TANK: variants seen among roughly 807,000 people sequenced by gnomAD.
TANK encodes TRAF family member-associated NF-kappa-B activator.
A neutral mutation model predicts 43.6 loss-of-function variants in TANK; 15 were observed. The observed-to-expected ratio is 0.34, with a 90% CI of 0.23 to 0.53. The LOEUF is 0.53. Ranked by LOEUF, TANK falls within the 20% of genes least tolerant of loss-of-function variation. The pLI, the probability that TANK is intolerant of heterozygous loss-of-function variation, is 0.94. For missense variants in TANK, 417 were observed against 498.6 expected, an observed-to-expected ratio of 0.84 and a Z score of 1.56; for synonymous variants, 162 against 178.2, an observed-to-expected ratio of 0.91 and a Z score of 0.73.
intron 2 of TANK, among the ~76,000 whole-genome samples, chr2:161,187,463 AAG>A (rs1489692884): frequency 6.6e-6 from 1 of 152,054 alleles, no homozygotes; most frequent in Admixed American, 6.6e-5. Context: ...AAACTACTAC[AAG>A]AGACAGGAAA....
intron 2 of TANK, among the ~76,000 whole-genome samples, chr2:161,198,578 C>A (rs1380498724): frequency 6.6e-6 from 1 of 152,194 alleles, no homozygotes; most frequent in Non-Finnish European, 1.5e-5. Context: ...ATACCTTGCT[C>A]ATTGTTAAAA....
intron 4 of TANK, among the ~76,000 whole-genome samples, chr2:161,217,585 TTGTGTGTGTGTGTGTGTG>T (rs375688309): frequency 1.6e-4 from 22 of 136,556 alleles, no homozygotes; most frequent in Admixed American, 1.2e-3. Flanking sequence ...GGTAGTTGGT[TTGTGTGTGTGTGTGTGTG>T]TGTGTGTGTG....
At chr2:161,212,042 C>A in intron 4 of TANK, 2 of 821,614 alleles carry the variant, frequency 2.4e-6, no homozygotes, top group Non-Finnish European at 2.9e-6. Flanking sequence ...CAGTTTTTTC[C>A]AAAGAGTCAT....
chr2:161,196,500 A>G (rs1574020189), intron 2 of TANK, among the ~76,000 whole-genome samples: 2 of 152,166 alleles, frequency 1.3e-5, no homozygotes, highest in East Asian at 3.9e-4. Flanking sequence ...TATTCAGGCA[A>G]GCCTAGATTC....
chr2:161,138,176 A>G (rs1021493737), intron 1 of TANK, among the ~76,000 whole-genome samples: 7 of 152,230 alleles, frequency 4.6e-5, no homozygotes, highest in Non-Finnish European at 1.0e-4. Flanking sequence ...AAAAATGAAC[A>G]TTAAATACCA....
At chr2:161,188,052 T>A (rs184503314) in intron 2 of TANK, among the ~76,000 whole-genome samples, 7 of 152,246 alleles carry the variant, frequency 4.6e-5, no homozygotes, top group Non-Finnish European at 7.4e-5. Flanking sequence ...TAGGATGCAG[T>A]AAAAGCAGTG....
intron 2 of TANK, chr2:161,197,277 T>A (rs548066997): frequency 6.6e-6 from 1 of 152,388 alleles, no homozygotes; most frequent in Admixed American, 6.5e-5. Flanking sequence ...CCATTTTGTC[T>A]CTTTGTAAAC....
intron 4 of TANK, among the ~76,000 whole-genome samples, chr2:161,205,141 A>T (rs535628733): frequency 6.6e-6 from 1 of 152,116 alleles, no homozygotes; most frequent in Non-Finnish European, 1.5e-5. Flanking sequence ...CCTGGGCAAC[A>T]TAGGGGGATC....
chr2:161,176,410 T>C (rs1192963051), intron 1 of TANK, among the ~76,000 whole-genome samples: 1 of 152,156 alleles, frequency 6.6e-6, no homozygotes, highest in Non-Finnish European at 1.5e-5. Flanking sequence ...CTGGAACTTA[T>C]TTCTTTAGCA....
intron 2 of TANK, chr2:161,202,824 T>C: frequency 2.2e-6 from 1 of 464,818 alleles, no homozygotes; most frequent in South Asian, 1.6e-5. Context: ...TATTCCTCAG[T>C]ACAAACTTGT....
At chr2:161,162,280 A>G (rs919749383) in intron 1 of TANK, among the ~76,000 whole-genome samples, 4 of 152,066 alleles carry the variant, frequency 2.6e-5, no homozygotes, top group Non-Finnish European at 5.9e-5. Context: ...TTCCTTTTCA[A>G]AATTTTCTTG....
intron 1 of TANK, among the ~76,000 whole-genome samples, chr2:161,178,946 C>G (rs1043092525): frequency 3.3e-5 from 5 of 152,080 alleles, no homozygotes; most frequent in Admixed American, 6.6e-5. Context: ...GTTATGCAGA[C>G]TGAGGTTATA....
chr2:161,204,112 A>C (rs921793758), intron 3 of TANK, among the ~76,000 whole-genome samples: 1 of 151,300 alleles, frequency 6.6e-6, no homozygotes, highest in African/African-American at 2.5e-5. Flanking sequence ...AAATGAACAA[A>C]GCAGGATACA....
chr2:161,172,145 A>G (rs1242554520), intron 1 of TANK, among the ~76,000 whole-genome samples: 2 of 152,206 alleles, frequency 1.3e-5, no homozygotes, highest in Non-Finnish European at 1.5e-5. Context: ...GTCTTTTTAC[A>G]TAAAATAACA....
At chr2:161,208,110 T>G (rs1053984069) in intron 4 of TANK, 3 of 964,386 alleles carry the variant, frequency 3.1e-6, no homozygotes, top group Non-Finnish European at 2.5e-6. Context: ...TTAGACAATT[T>G]GTTTTGTTTA....
At chr2:161,181,550 A>G (rs1418918833) in intron 2 of TANK, among the ~76,000 whole-genome samples, 6 of 152,184 alleles carry the variant, frequency 3.9e-5, no homozygotes, top group African/African-American at 9.7e-5. Flanking sequence ...GAAACTTACA[A>G]TCATGGCAGA....
chr2:161,138,412 A>G (rs1306846079), intron 1 of TANK, among the ~76,000 whole-genome samples: 2 of 152,214 alleles, frequency 1.3e-5, no homozygotes, highest in Non-Finnish European at 2.9e-5. Context: ...TTAAAATAAT[A>G]TTTGAGAGAT....
In TANK at chr2:161,235,618, G is replaced by GA; in HGVS notation, c.*104dup. On this transcript the variant is annotated 3_prime_UTR_variant, in exon 8 of 8. Transcript: ENST00000392749. Reference sequence around the variant, plus strand: ...AAACTAAATTCAAGATCATTTATAGGAAAATCTAGTTTCACAGCTATTTGA... The same window carrying GA: ...AAACTAAATTCAAGATCATTTATAGGAAAAATCTAGTTTCACAGCTATTTGA... 1.0e-6 allele frequency: 1 copy of GA among 991,076 alleles called. No homozygotes were observed. Among genetic ancestry groups the GA allele is most frequent in the Non-Finnish European group, 1.4e-6 (1 of 722,478 alleles). 61.4% of individuals were successfully genotyped at this position (991,076 alleles called of 1,614,324 possible).
At chr2:161,157,105 C>A (rs1324128282), upstream of TANK, among the ~76,000 whole-genome samples, 1 of 152,208 alleles carries the variant, frequency 6.6e-6, no homozygotes, top group Non-Finnish European at 1.5e-5. Context: ...AGCCATCACA[C>A]ATAGTAGTGG....
Sources: gnomAD v4.1 joint callset for allele counts (sites outside exome capture counted in the v4.1 genomes callset) on GRCh38, gnomAD v4.1.1 for gene constraint, MANE v1.5 for transcripts, NCBI Gene and HGNC (gene_info 2026-07-23, HGNC 2026-07-21) for gene names.